The following SLC4A8 variants were observed in gnomAD, a reference collection of about 807,000 sequenced individuals.
SLC4A8 encodes solute carrier family 4 member 8.
SLC4A8 carries 40 observed loss-of-function variants against 125.0 expected under a neutral mutation model. That is an observed-to-expected ratio of 0.32 (90% CI 0.25 to 0.42). SLC4A8 has a LOEUF of 0.42. Ranked by LOEUF, SLC4A8 falls within the 10% of genes least tolerant of loss-of-function variation. The pLI, the probability that SLC4A8 is intolerant of heterozygous loss-of-function variation, is 1.00. For synonymous variants in SLC4A8, 456 were observed against 476.0 expected (o/e 0.96, Z 0.55); for missense variants, 863 against 1,355.1 (o/e 0.64, Z 5.70).
chr12:51,480,238 ATTC>A, intron 16 of SLC4A8: 1 of 1,265,002 alleles, frequency 7.9e-7, no homozygotes, highest in Non-Finnish European at 1.0e-6. Context: ...GCCAAGTGCT[ATTC>A]TTTATTTCAG....
chr12:51,503,149 C>T (rs1354703993), intron 22 of SLC4A8, among the ~76,000 whole-genome samples: 2 of 150,202 alleles, frequency 1.3e-5, no homozygotes, highest in East Asian at 2.0e-4. Context: ...GCCAGCCTGA[C>T]GTCTTTCAGC....
intron 2 of SLC4A8, among the ~76,000 whole-genome samples, chr12:51,442,509 A>T (rs961053426): frequency 6.6e-6 from 1 of 152,178 alleles, no homozygotes; most frequent in South Asian, 2.1e-4. Flanking sequence ...CAGCTGAGTA[A>T]CTGGCGGTGG....
Position 51,461,294 on chromosome 12 carries a change from A to G in SLC4A8, c.1101+3A>G, listed in dbSNP as rs1592223419. 7 of 1,571,738 alleles carry G rather than the reference A, an allele frequency of 4.5e-6. No individual in the cohort carries two copies. In the East Asian group the frequency reaches 1.3e-4, roughly 30 times the overall value. ...TGGCCACCATCATGACAGATGAGGT[A>G]TGTGCAACTTTTGCTTCAGTCTTCC... On this transcript the variant is annotated splice_donor_region_variant and intron_variant, in intron 9 of 24. Transcript: ENST00000453097.
intron 1 of SLC4A8, among the ~76,000 whole-genome samples, chr12:51,439,902 G>A (rs1181314208): frequency 6.6e-6 from 1 of 152,198 alleles, no homozygotes; most frequent in African/African-American, 2.4e-5. Flanking sequence ...TTGGGTTTTA[G>A]ACACATGGTT....
chr12:51,498,871 T>C (rs1231852041), intron 22 of SLC4A8, among the ~76,000 whole-genome samples: 5 of 40,308 alleles, frequency 1.2e-4, no homozygotes, highest in Admixed American at 3.4e-4. Context: ...CAGAGAGAGA[T>C]CCTGTCTCAA....
At chr12:51,399,994 A>C (rs1013165952) in intron 1 of SLC4A8, among the ~76,000 whole-genome samples, 6 of 151,950 alleles carry the variant, frequency 3.9e-5, no homozygotes, top group Non-Finnish European at 7.4e-5. Context: ...AAAAAAAAAA[A>C]AAAAAACCAT....
chr12:51,471,575 C>G (rs756658884), intron 14 of SLC4A8, 43 bp downstream of exon 14: 12 of 1,591,272 alleles, frequency 7.5e-6, no homozygotes, highest in Non-Finnish European at 1.0e-5. Flanking sequence ...GAGCAAAGGG[C>G]CTGAGTTTAA....
At chr12:51,495,148 AT>A in intron 21 of SLC4A8, 30 bp downstream of exon 21, 1 of 1,553,366 alleles carries the variant, frequency 6.4e-7, no homozygotes, top group Non-Finnish European at 8.8e-7. Context: ...ATAAATTCTT[AT>A]TATCATTGTT....
At position 51,431,097 on chromosome 12, in the gene SLC4A8, TC is replaced by T. The variant is rs565392526; in HGVS notation, c.48+6064del. ...TCCATCTTCTAGAGACTGCCTGCAT[TC>T]CTTGGCTCATAGTTCCCTTCCTCCA... is the stretch of plus-strand genomic sequence containing the variant. On this transcript the variant is annotated intron_variant, in intron 1 of 24. Coordinates refer to ENST00000453097, the MANE Select transcript of SLC4A8 (RefSeq NM_001039960.3). Among the ~76,000 whole-genome samples, 24 of 152,308 alleles carry T rather than the reference TC, an allele frequency of 1.6e-4. No homozygotes were observed. In the South Asian group the frequency reaches 5.0e-3, roughly 32 times the overall value.
In SLC4A8 at chr12:51,489,693, C is replaced by T. The variant is rs762931675; in HGVS notation, c.2449-7C>T. The stretch of plus-strand genomic sequence containing the variant: ...CTGATGGTGACAAAGACTCTGTTTC[C>T]CCACAGAAAGGCTGTGGCTACCACC... On this transcript the variant is annotated splice_polypyrimidine_tract_variant and splice_region_variant and intron_variant, in intron 18 of 24. Transcript: ENST00000453097. 1 of 1,613,998 alleles carries T rather than the reference C, an allele frequency of 6.2e-7. No individual in the cohort carries two copies. Among genetic ancestry groups the T allele is most frequent in the Non-Finnish European group, 8.5e-7 (1 of 1,179,966 alleles).
intron 1 of SLC4A8, among the ~76,000 whole-genome samples, chr12:51,437,330 A>G (rs1032318885): frequency 6.6e-6 from 1 of 152,152 alleles, no homozygotes; most frequent in African/African-American, 2.4e-5. Context: ...TCGTTTGGCT[A>G]TTTGTCCCCA....
chr12:51,463,613 G>A lies in SLC4A8; in HGVS notation c.1249-1G>A. On this transcript the variant is annotated splice_acceptor_variant, in intron 10 of 24. Coordinates refer to ENST00000453097, the MANE Select transcript of SLC4A8 (RefSeq NM_001039960.3). LOFTEE classifies it high-confidence loss of function. The stretch of plus-strand genomic sequence containing the variant: ...CTAATTTTGTGGTCTTCTGTTAAAA[G>A]GAGAAAAGGAAAATGCCTGGAGTTC... 1 of 1,610,606 alleles carries A rather than the reference G, an allele frequency of 6.2e-7. No homozygotes were observed. The highest frequency in any genetic ancestry group is 8.5e-7 in the Non-Finnish European group (1 of 1,176,834).
intron 22 of SLC4A8, among the ~76,000 whole-genome samples, chr12:51,500,005 A>G (rs911932075): frequency 5.9e-5 from 9 of 152,140 alleles, no homozygotes; most frequent in African/African-American, 2.2e-4. Context: ...AAAGTGGCTG[A>G]ATTGGGTACT....
intron 2 of SLC4A8, among the ~76,000 whole-genome samples, chr12:51,449,553 G>A (rs1279577811): frequency 6.6e-6 from 1 of 152,202 alleles, no homozygotes. Context: ...GAAGATGTGG[G>A]GAATGGGTCT....
chr12:51,497,151 C>A, intron 22 of SLC4A8, 27 bp downstream of exon 22: 4 of 1,586,672 alleles, frequency 2.5e-6, no homozygotes, highest in Non-Finnish European at 3.4e-6. Flanking sequence ...CAACTGTATA[C>A]CTGGGGGCCT....
intron 1 of SLC4A8, among the ~76,000 whole-genome samples, chr12:51,411,340 C>A (rs933926947): frequency 1.3e-4 from 20 of 152,022 alleles, no homozygotes; most frequent in Admixed American, 2.6e-4. Flanking sequence ...GTAATCCCAG[C>A]ACTTTGGGAG....
chr12:51,433,884 G>GTTTTTTTTTT lies in SLC4A8; in HGVS notation c.49-6815_49-6814insTTTTTTTTTT, dbSNP rs1565772495. ...TTTTTTTTTTTTTTTTTTTTGGTTG[G>GTTTTTTTTTT]TTTTTTTTTGAGACAGGGTCTTTCT... On this transcript the variant is annotated intron_variant, in intron 1 of 24. Transcript: ENST00000453097. 4.0e-4 allele frequency among the ~76,000 whole-genome samples: 29 copies of GTTTTTTTTTT among 72,190 alleles called. 1 individual carries two copies. Among genetic ancestry groups the GTTTTTTTTTT allele is most frequent in the African/African-American group, 4.4e-4 (8 of 18,194 alleles). 47.4% of individuals were successfully genotyped at this position (72,190 alleles called of 152,430 possible). A position where few individuals can be genotyped will look rare whatever the true frequency, so the allele number is the denominator to read the frequency against.
At position 51,514,830 on chromosome 12, in the gene SLC4A8, G is replaced by A. The variant is rs1938478076; in HGVS notation, c.*7392G>A. On this transcript the variant is annotated 3_prime_UTR_variant, in exon 25 of 25. Transcript: ENST00000453097. ...AGAGATGTAAAGGAAGTATATTACT[G>A]CTTGAAGTGTGAAAAGAGGAAAGGA... The A allele has an allele frequency of 6.6e-6, 1 of 152,154 alleles. No individual in the cohort carries two copies. The highest frequency in any genetic ancestry group is 6.5e-5 in the Admixed American group (1 of 15,270). The allele number at this position is 152,154 out of a possible 1,614,324, so 9.4% of individuals were successfully genotyped here. A position where few individuals can be genotyped will look rare whatever the true frequency, so the allele number is the denominator to read the frequency against.
chr12:51,462,069 G>T, intron 9 of SLC4A8: 1 of 474,290 alleles, frequency 2.1e-6, no homozygotes, highest in South Asian at 2.3e-5. Context: ...TTAGACTCAT[G>T]TCTTATCTCT....
Sources: allele counts gnomAD v4.1 joint callset (sites outside exome capture counted in the v4.1 genomes callset), GRCh38; gene constraint gnomAD v4.1.1; transcripts MANE v1.5; gene names NCBI Gene and HGNC (gene_info 2026-07-23, HGNC 2026-07-21).